HOOK1: variants seen among roughly 807,000 people sequenced by gnomAD.
HOOK1 encodes the protein hook microtubule tethering protein 1.
Under a neutral mutation model 112.8 loss-of-function variants are expected in HOOK1, and 60 were observed. The observed-to-expected ratio is 0.53, with a 90% CI of 0.43 to 0.66. HOOK1 has a LOEUF of 0.66. HOOK1 is among the 30% of genes least tolerant of loss of function. The probability of loss-of-function intolerance (pLI) is 0.00; values close to 1 mark genes in which losing one functional copy is unlikely to be tolerated. For missense variants in HOOK1, 770 were observed against 856.0 expected, an observed-to-expected ratio of 0.90 and a Z score of 1.25; for synonymous variants, 294 against 283.8, an observed-to-expected ratio of 1.04 and a Z score of -0.36.
Position 59,848,438 on chromosome 1 carries a change from G to A in HOOK1, c.1053G>A (p.Met351Ile), listed in dbSNP as rs1361962899. Residue 351 changes from methionine (M) to isoleucine (I), a missense_variant, in exon 11 of 22, where the codon ATG becomes ATA. By Grantham distance (10) the Met-to-Ile change is conservative. Transcript: ENST00000371208. ...TACAGGAAACCAACATGATGTATATGCATAATACAGTCAGCTTAGAAGAAG... is the reference window on the plus strand; with the variant it reads ...TACAGGAAACCAACATGATGTATATACATAATACAGTCAGCTTAGAAGAAG... ...KTLQETNMMY[M>I]HNTVSLEEEL... is the part of the protein sequence containing the mutation. 1 of 1,609,960 alleles carries A rather than the reference G, an allele frequency of 6.2e-7. No homozygotes were observed. The highest frequency in any genetic ancestry group is 8.5e-7 in the Non-Finnish European group (1 of 1,176,964).
chr1:59,856,606 G>C (rs940168920), intron 12 of HOOK1, among the ~76,000 whole-genome samples: 1 of 151,488 alleles, frequency 6.6e-6, no homozygotes, highest in South Asian at 2.1e-4. Context: ...AGGGTTTATT[G>C]TTGTTGCTGT....
rs902003971 is a variant in HOOK1, at chr1:59,862,764, T to A, written c.1533-20T>A. The A allele has an allele frequency of 6.7e-7, 1 of 1,481,896 alleles. No individual in the cohort carries two copies. The highest frequency in any genetic ancestry group is 9.4e-7 in the Non-Finnish European group (1 of 1,060,652). 91.8% of individuals were successfully genotyped at this position (1,481,896 alleles called of 1,614,324 possible). A position where few individuals can be genotyped will look rare whatever the true frequency, so the allele number is the denominator to read the frequency against. The stretch of plus-strand genomic sequence containing the variant: ...TTGACTTTCAATACAAGTAAATGCT[T>A]ATGACCCATCTTACAATAGGCTGAG... On this transcript the variant is annotated intron_variant, in intron 15 of 21. Coordinates refer to ENST00000371208, the MANE Select transcript of HOOK1 (RefSeq NM_015888.6).
At chr1:59,867,189 CT>C (rs1456680411) in intron 19 of HOOK1, among the ~76,000 whole-genome samples, 1 of 152,092 alleles carries the variant, frequency 6.6e-6, no homozygotes, top group Non-Finnish European at 1.5e-5. Flanking sequence ...ATAACATGTC[CT>C]TGTAGAAAAT....
intron 3 of HOOK1, among the ~76,000 whole-genome samples, chr1:59,831,742 C>G (rs1021247799): frequency 1.3e-5 from 2 of 152,118 alleles, no homozygotes; most frequent in Non-Finnish European, 2.9e-5. Context: ...TAGTGTAGGG[C>G]CCATTTTCTG....
chr1:59,847,598 C>T (rs561795653), intron 10 of HOOK1, among the ~76,000 whole-genome samples: 16 of 151,552 alleles, frequency 1.1e-4, no homozygotes, highest in African/African-American at 3.6e-4. Context: ...AGAATCCTAA[C>T]TTTTTTTGGG....
Position 59,868,345 on chromosome 1 carries a change from T to C in HOOK1, c.1941T>C (p.Ile647=). 6.4e-7 allele frequency: 1 copy of C among 1,561,518 alleles called. No homozygotes were observed. Among genetic ancestry groups the C allele is most frequent in the Non-Finnish European group, 8.8e-7 (1 of 1,134,206 alleles). ...CAGAGAAAGAGAGAAGAATTGAGAT[T>C]CTGGAGGTAAAACTTTTATATTTAC... ...QLAEKERRIE[I]LESECKVAKF... is the part of the protein sequence containing the mutation. The change falls in exon 20 of 22, where the codon ATT becomes ATC. Residue 647 remains isoleucine (I), a synonymous_variant. Transcript: ENST00000371208.
chr1:59,837,643 G>T (rs113834886), intron 7 of HOOK1, among the ~76,000 whole-genome samples: 1 of 152,012 alleles, frequency 6.6e-6, no homozygotes, highest in Non-Finnish European at 1.5e-5. Flanking sequence ...ATGTAGTTCT[G>T]TGGGACTGTA....
chr1:59,844,669 A>ATC (rs1442681011), intron 9 of HOOK1, among the ~76,000 whole-genome samples: 3 of 152,024 alleles, frequency 2.0e-5, no homozygotes, highest in African/African-American at 7.2e-5. Context: ...TATAATTGAT[A>ATC]TCTTAACTAT....
intron 21 of HOOK1, among the ~76,000 whole-genome samples, chr1:59,871,346 A>C (rs1008511562): frequency 6.6e-6 from 1 of 152,198 alleles, no homozygotes; most frequent in Non-Finnish European, 1.5e-5. Context: ...ATCAGCCTTT[A>C]GCTGATACGT....
rs768848911 is a variant in HOOK1, at chr1:59,847,189, TG to T, written c.929+6del. The T allele has an allele frequency of 3.0e-5, 47 of 1,590,704 alleles. No individual in the cohort carries two copies. The highest frequency in any genetic ancestry group is 3.8e-5 in the Non-Finnish European group (45 of 1,171,650). ...AAGATGAAATAGATGTTCTTAGGTA[TG>T]GCATGTCTTAAAAAATATAATTATG... On this transcript the variant is annotated splice_donor_5th_base_variant and intron_variant, in intron 10 of 21. Coordinates refer to ENST00000371208, the MANE Select transcript of HOOK1 (RefSeq NM_015888.6).
chr1:59,832,105 CAT>C lies in HOOK1; in HGVS notation c.223-56_223-55del, dbSNP rs566650436. ...AAGTTTTTATTGTCTTTCATGCTGA[CAT>C]AACTTTTCTTTCATTATTAATCTGA... On this transcript the variant is annotated intron_variant, in intron 3 of 21. Transcript: ENST00000371208. 1,067 of 952,110 alleles carry C rather than the reference CAT, an allele frequency of 1.1e-3. 19 individuals are homozygous for C. The South Asian group carries it at 0.016, about 15-fold the overall frequency. 59.0% of individuals were successfully genotyped at this position (952,110 alleles called of 1,614,324 possible). A position where few individuals can be genotyped will look rare whatever the true frequency, so the allele number is the denominator to read the frequency against.
chr1:59,849,269 T>G, intron 12 of HOOK1, 86 bp downstream of exon 12: 1 of 740,708 alleles, frequency 1.4e-6, no homozygotes, highest in Non-Finnish European at 2.1e-6. Context: ...CGTGGTGATG[T>G]CTACCAGTTC....
chr1:59,849,658 A>G (rs1204643701), intron 12 of HOOK1, among the ~76,000 whole-genome samples: 1 of 151,646 alleles, frequency 6.6e-6, no homozygotes, highest in Non-Finnish European at 1.5e-5. Context: ...TAATCCTCTC[A>G]GCCCTACTCT....
intron 17 of HOOK1, 113 bp downstream of exon 17, chr1:59,864,779 T>C (rs1270145599): frequency 2.9e-6 from 2 of 696,028 alleles, no homozygotes; most frequent in Non-Finnish European, 5.0e-6. Flanking sequence ...CTGATGCTAA[T>C]TGATACACCT....
intron 2 of HOOK1, among the ~76,000 whole-genome samples, chr1:59,826,701 G>A (rs147704755): frequency 6.6e-6 from 1 of 152,352 alleles, no homozygotes; most frequent in East Asian, 1.9e-4. Context: ...AACAGAACCA[G>A]TAGAGGGTGA....
chr1:59,815,017 C>T lies in HOOK1; in HGVS notation c.-101C>T. On this transcript the variant is annotated 5_prime_UTR_variant, in exon 1 of 22. Transcript: ENST00000371208. ...TGCGCGGGTCGGGCCTGGTACCGAG[C>T]TTTCCTGGGGGCTAGCAGGTCGTGG... The T allele has an allele frequency of 1.6e-6, 2 of 1,264,112 alleles. No homozygotes were observed. Among genetic ancestry groups the T allele is most frequent in the South Asian group, 2.6e-5 (2 of 77,340 alleles). 78.3% of individuals were successfully genotyped at this position (1,264,112 alleles called of 1,614,324 possible).
At chr1:59,865,277 C>T in intron 18 of HOOK1, 32 bp downstream of exon 18, 1 of 1,323,788 alleles carries the variant, frequency 7.6e-7, no homozygotes, top group Non-Finnish European at 1.1e-6. Context: ...GATCAGACAA[C>T]AGTATATCTA....
chr1:59,835,821 T>G (rs2098397233), intron 6 of HOOK1, among the ~76,000 whole-genome samples: 1 of 152,020 alleles, frequency 6.6e-6, no homozygotes, highest in African/African-American at 2.4e-5. Flanking sequence ...TTTGCTCCTA[T>G]GAGAATCTAA....
chr1:59,876,269 T>A lies in HOOK1; in HGVS notation c.*3304T>A, dbSNP rs1323938473. 1 of 152,672 alleles carries A rather than the reference T, an allele frequency of 6.5e-6. No homozygotes were observed. The highest frequency in any genetic ancestry group is 1.5e-5 in the Non-Finnish European group (1 of 68,050). The allele number at this position is 152,672 out of a possible 1,614,324, so 9.5% of individuals were successfully genotyped here. A position where few individuals can be genotyped will look rare whatever the true frequency, so the allele number is the denominator to read the frequency against. On this transcript the variant is annotated 3_prime_UTR_variant, in exon 22 of 22. Transcript: ENST00000371208. ...TGAAAAATAAAACCAATATTTGATTTATTTTTGTAAGTATTTAGGATATTA... is the reference window on the plus strand; with the variant it reads ...TGAAAAATAAAACCAATATTTGATTAATTTTTGTAAGTATTTAGGATATTA...
Sources: gnomAD v4.1 joint callset for allele counts (sites outside exome capture counted in the v4.1 genomes callset) on GRCh38, gnomAD v4.1.1 for gene constraint, MANE v1.5 for transcripts, NCBI Gene and HGNC (gene_info 2026-07-23, HGNC 2026-07-21) for gene names.